The following MAGEL2 variants were observed in gnomAD, a reference collection of about 807,000 sequenced individuals.
MAGEL2 encodes the protein MAGE family member L2.
For missense variants in MAGEL2, 1,830 were observed against 1,699.2 expected (o/e 1.08, Z -1.35); for synonymous variants, 792 against 721.7 (o/e 1.10, Z -1.56).
chr15:23,646,858 T>A lies in MAGEL2; in HGVS notation c.885A>T (p.Arg295Ser). Residue 295 changes from arginine (R) to serine (S), a missense_variant, in exon 1 of 1, where the codon AGA becomes AGT. Coordinates refer to ENST00000650528, the MANE Select transcript of MAGEL2 (RefSeq NM_019066.5). The surrounding 1 kb of genome is among the most constrained non-coding windows in gnomAD (Gnocchi z 4.2). ...AAGCTGGAGGCTGGGTCATCGGAGC[T>A]CTCGCACCTGGAGGATGAATCATCA... Reference protein sequence around the residue: ...GVLMIHPPGARAPMTQPPASG... With the variant: ...GVLMIHPPGASAPMTQPPASG... 1 of 1,536,386 alleles carries A rather than the reference T, an allele frequency of 6.5e-7. No individual in the cohort carries two copies. Among genetic ancestry groups the A allele is most frequent in the Non-Finnish European group, 8.7e-7 (1 of 1,146,718 alleles).
chr15:23,645,767 A>C lies in MAGEL2; in HGVS notation c.1976T>G (p.Val659Gly), dbSNP rs1224915422. 3.2e-6 allele frequency: 5 copies of C among 1,582,502 alleles called. No homozygotes were observed. The highest frequency in any genetic ancestry group is 4.3e-6 in the Non-Finnish European group (5 of 1,165,994). The change falls in exon 1 of 1, where the codon GTG becomes GGG. Residue 659 changes from valine (V) to glycine (G), a missense_variant. Val to Gly is a moderately radical substitution (Grantham distance 109). Coordinates refer to ENST00000650528, the MANE Select transcript of MAGEL2 (RefSeq NM_019066.5). Reference sequence around the variant, plus strand: ...CTGCTGGGGGGGTAGCTGGATTTGCACGGCTTTTTGGGAGGGCGGGGCTCC... The same window carrying C: ...CTGCTGGGGGGGTAGCTGGATTTGCCCGGCTTTTTGGGAGGGCGGGGCTCC... ...FQGAPPSQKA[V>G]QIQLPPQQAQ...
Position 23,646,038 on chromosome 15 carries a change from G to C in MAGEL2, c.1705C>G (p.Pro569Ala). 2 of 1,539,476 alleles carry C rather than the reference G, an allele frequency of 1.3e-6. No homozygotes were observed. The highest frequency in any genetic ancestry group is 1.7e-6 in the Non-Finnish European group (2 of 1,143,138). ...PQVPQPVLPAPLSAPLSAPQA... is the reference protein window; with the variant it reads ...PQVPQPVLPAALSAPLSAPQA... ...GGGGCAGACAGTGGGGCAGACAGCG[G>C]GGCCGGCAGCACAGGCTGGGGCACC... Residue 569 changes from proline (P) to alanine (A), a missense_variant, in exon 1 of 1, where the codon CCG (proline) becomes GCG (alanine). By Grantham distance (27) the Pro-to-Ala change is conservative. Coordinates refer to ENST00000650528, the MANE Select transcript of MAGEL2 (RefSeq NM_019066.5). The surrounding 1 kb of genome is among the most constrained non-coding windows in gnomAD (Gnocchi z 4.2).
At position 23,645,512 on chromosome 15, in the gene MAGEL2, G is replaced by T. The variant is rs762952665; in HGVS notation, c.2231C>A (p.Ala744Asp). 1 of 1,613,930 alleles carries T rather than the reference G, an allele frequency of 6.2e-7. No individual in the cohort carries two copies. The highest frequency in any genetic ancestry group is 8.5e-7 in the Non-Finnish European group (1 of 1,179,888). Residue 744 changes from alanine to aspartate, a missense_variant, in exon 1 of 1, where the codon GCC becomes GAC. Coordinates refer to ENST00000650528, the MANE Select transcript of MAGEL2 (RefSeq NM_019066.5). ...ERRTSSKERR[A>D]PSKDRMIFAA... The stretch of plus-strand genomic sequence containing the variant: ...AAAGATCATGCGGTCTTTTGAAGGG[G>T]CCCTGCGCTCCTTCGAGGAGGTCCT...
In MAGEL2 at chr15:23,646,315, T is replaced by G. The variant is rs1890401815; in HGVS notation, c.1428A>C (p.Pro476=). 1 of 1,363,860 alleles carries G rather than the reference T, an allele frequency of 7.3e-7. No homozygotes were observed. Among genetic ancestry groups the G allele is most frequent in the Non-Finnish European group, 9.3e-7 (1 of 1,070,660 alleles). 84.5% of individuals were successfully genotyped at this position (1,363,860 alleles called of 1,614,324 possible). The change falls in exon 1 of 1, where the codon CCA becomes CCC. Residue 476 remains proline (P), a synonymous_variant. Transcript: ENST00000650528. The surrounding 1 kb of genome is among the most constrained non-coding windows in gnomAD (Gnocchi z 4.2). ...RQAPPVIRQA[P]PVIRQAPPVI... ...CAGGTGGAGCCTGGCGGATCACAGGTGGGGCCTGGCGGATCACAGGTGGGG... is the reference window on the plus strand; with the variant it reads ...CAGGTGGAGCCTGGCGGATCACAGGGGGGGCCTGGCGGATCACAGGTGGGG...
chr15:23,646,250 G>A lies in MAGEL2; in HGVS notation c.1493C>T (p.Pro498Leu). The A allele has an allele frequency of 7.4e-7, 1 of 1,359,786 alleles. No homozygotes were observed. The highest frequency in any genetic ancestry group is 9.4e-7 in the Non-Finnish European group (1 of 1,066,034). The allele number at this position is 1,359,786 out of a possible 1,614,324, so 84.2% of individuals were successfully genotyped here. A position where few individuals can be genotyped will look rare whatever the true frequency, so the allele number is the denominator to read the frequency against. ...GACCTGTGGGGCAGGTCGGATGGGC[G>A]GCGGCGCCTGGCGGATCAGCGGCGG... ...QAPPLIRQAP[P>L]PIRPAPQVLA... Residue 498 changes from proline to leucine, a missense_variant, in exon 1 of 1, where the codon CCG becomes CTG. By Grantham distance (98) the Pro-to-Leu change is moderately conservative. Transcript: ENST00000650528. This position sits in a 1 kb window ranked among gnomAD's most constrained non-coding sequence, Gnocchi z 4.2.
rs1331347877 is a variant in MAGEL2, at chr15:23,644,787, C to T, written c.2956G>A (p.Gly986Arg). The change falls in exon 1 of 1, where the codon GGG becomes AGG. Residue 986 changes from glycine (G) to arginine (R), a missense_variant. Gly to Arg is a moderately radical substitution (Grantham distance 125). Transcript: ENST00000650528. ...GACACAACTACGGGCAGAGAGCTCC[C>T]TGGGCTTTCAGAGAGACCCAGGGCC... ...SRALGLSESP[G>R]SSLPVVVSEV... 3 of 1,613,564 alleles carry T rather than the reference C, an allele frequency of 1.9e-6. No individual in the cohort carries two copies. The highest frequency in any genetic ancestry group is 1.7e-5 in the Admixed American group (1 of 60,022).
chr15:23,644,633 G>A lies in MAGEL2; in HGVS notation c.3110C>T (p.Ala1037Val). Residue 1037 changes from alanine (A) to valine (V), a missense_variant, in exon 1 of 1, where the codon GCC becomes GTC. By Grantham distance (64) the Ala-to-Val change is moderately conservative. Coordinates refer to ENST00000650528, the MANE Select transcript of MAGEL2 (RefSeq NM_019066.5). ...CTCCGAGCGCTGGACAGGCACCTTG[G>A]CTTGGTCCTTGACTAAGAGGAACTG... ...LVQFLLVKDQ[A>V]KVPVQRSEMV... The A allele has an allele frequency of 6.2e-7, 1 of 1,613,860 alleles. No homozygotes were observed. The highest frequency in any genetic ancestry group is 8.5e-7 in the Non-Finnish European group (1 of 1,179,846).
Position 23,644,459 on chromosome 15 carries a change from T to C in MAGEL2, c.3284A>G (p.Tyr1095Cys), listed in dbSNP as rs767913054. Residue 1095 changes from tyrosine (Y) to cysteine (C), a missense_variant, in exon 1 of 1, where the codon TAC (tyrosine) becomes TGC (cysteine). Physicochemically the swap from Tyr to Cys is radical, Grantham distance 194. Transcript: ENST00000650528. The part of the protein sequence containing the change: ...HAYIIINKLG[Y>C]HTGNLVASYL... ...GGATGCCACCAAATTCCCTGTATGG[T>C]AGCCCAGCTTGTTGATGATAATATA... The C allele has an allele frequency of 6.2e-7, 1 of 1,613,944 alleles. No individual in the cohort carries two copies. Among genetic ancestry groups the C allele is most frequent in the South Asian group, 1.1e-5 (1 of 91,076 alleles).
rs546001754 is a variant in MAGEL2, at chr15:23,647,174, G to A, written c.569C>T (p.Ala190Val). 15 of 1,523,276 alleles carry A rather than the reference G, an allele frequency of 9.8e-6. No homozygotes were observed. In the South Asian group the frequency reaches 1.6e-4, roughly 16 times the overall value. The allele number at this position is 1,523,276 out of a possible 1,614,324, so 94.4% of individuals were successfully genotyped here. ...VHPPPPGTPM[A>V]HPPPPGTPMA... The stretch of plus-strand genomic sequence containing the variant: ...CGGTGTCCCCGGAGGGGGAGGATGA[G>A]CCATCGGGGTCCCCGGAGGAGGAGG... The change falls in exon 1 of 1, where the codon GCT (alanine) becomes GTT (valine). Residue 190 changes from alanine to valine, a missense_variant. Ala to Val is a moderately conservative substitution (Grantham distance 64). Transcript: ENST00000650528.
Position 23,645,042 on chromosome 15 carries a change from G to A in MAGEL2, c.2701C>T (p.His901Tyr). The change falls in exon 1 of 1, where the codon CAC (histidine) becomes TAC (tyrosine). Residue 901 changes from histidine (H) to tyrosine (Y), a missense_variant. Transcript: ENST00000650528. ...HLEAQEDSRG[H>Y]TLAFHDWQGP... ...TGCCAGTCATGAAAGGCTAGCGTGT[G>A]GCCACGGCTGTCCTCTTGGGCTTCC... 6.2e-7 allele frequency: 1 copy of A among 1,613,924 alleles called. No individual in the cohort carries two copies. The highest frequency in any genetic ancestry group is 8.5e-7 in the Non-Finnish European group (1 of 1,179,896).
chr15:23,645,904 C>T lies in MAGEL2; in HGVS notation c.1839G>A (p.Gln613=), dbSNP rs1416777534. The T allele has an allele frequency of 6.4e-7, 1 of 1,573,020 alleles. No individual in the cohort carries two copies. The highest frequency in any genetic ancestry group is 1.9e-5 in the Admixed American group (1 of 53,894). ...CCTTCTGGGCCTGCCAGGCCAGCGC[C>T]TGTGTCTGCTGCACCTCCTGGAATT... ...SMEFQEVQQT[Q]ALAWQAQKAP... The change falls in exon 1 of 1, where the codon CAG becomes CAA. Residue 613 remains glutamine, a synonymous_variant. Transcript: ENST00000650528.
In MAGEL2 at chr15:23,646,653, T is replaced by G. The variant is rs1468307410; in HGVS notation, c.1090A>C (p.Thr364Pro). The part of the protein sequence containing the change: ...GPQAPPAQLA[T>P]PPGWQATSPG... ...GAGGTCGCCTGCCAGCCCGGGGGTG[T>G]GGCTAGCTGCGCTGGGGGTGCCTGC... is the stretch of plus-strand genomic sequence containing the variant. The change falls in exon 1 of 1, where the codon ACA becomes CCA. Residue 364 changes from threonine to proline, a missense_variant. Transcript: ENST00000650528. The surrounding 1 kb of genome is among the most constrained non-coding windows in gnomAD (Gnocchi z 4.2). 3 of 1,490,402 alleles carry G rather than the reference T, an allele frequency of 2.0e-6. No individual in the cohort carries two copies. The highest frequency in any genetic ancestry group is 2.7e-6 in the Non-Finnish European group (3 of 1,124,016). The allele number at this position is 1,490,402 out of a possible 1,614,324, so 92.3% of individuals were successfully genotyped here.
chr15:23,645,828 C>G lies in MAGEL2; in HGVS notation c.1915G>C (p.Ala639Pro). ...TGCTCCAGCTGGACCAAGGGGGGAGCCTGCCTCTGGGCCTCCTGGGCAGGC... is the reference window on the plus strand; with the variant it reads ...TGCTCCAGCTGGACCAAGGGGGGAGGCTGCCTCTGGGCCTCCTGGGCAGGC... The part of the protein sequence containing the change: ...PLPAQEAQRQ[A>P]PPLVQLEQPF... Residue 639 changes from alanine (A) to proline (P), a missense_variant, in exon 1 of 1, where the codon GCT becomes CCT. Transcript: ENST00000650528. The G allele has an allele frequency of 6.3e-7, 1 of 1,585,830 alleles. No homozygotes were observed. Among genetic ancestry groups the G allele is most frequent in the Middle Eastern group, 1.7e-4 (1 of 6,024 alleles).
At position 23,647,625 on chromosome 15, in the gene MAGEL2, G is replaced by A; in HGVS notation, c.118C>T (p.Pro40Ser). 6.5e-7 allele frequency: 1 copy of A among 1,536,870 alleles called. No homozygotes were observed. The highest frequency in any genetic ancestry group is 8.7e-7 in the Non-Finnish European group (1 of 1,146,838). The change falls in exon 1 of 1, where the codon CCG becomes TCG. Residue 40 changes from proline to serine, a missense_variant. Pro to Ser is a moderately conservative substitution (Grantham distance 74). Transcript: ENST00000650528. ...GGAGGTGGATCCCAAGGGACTGGCG[G>A]AGCCCGGGAGGAAGCGGGCGGGGCC... ...MRAPPASSRA[P>S]PVPWDPPPID...
rs1890397448 is a variant in MAGEL2 at position 23,646,143 on chromosome 15, G to C, written c.1600C>G (p.Pro534Ala). The C allele has an allele frequency of 7.4e-7, 1 of 1,348,742 alleles. No homozygotes were observed. Among genetic ancestry groups the C allele is most frequent in the African/African-American group, 1.5e-5 (1 of 64,668 alleles). 83.5% of individuals were successfully genotyped at this position (1,348,742 alleles called of 1,614,324 possible). ...ACCTGCGGCGCCGCCTGCACCTGCG[G>C]GGCCGGCAGCCTAGCCTGCGGGGCC... The part of the protein sequence containing the change: ...RQAPQARLPA[P>A]QVQAAPQVPT... The change falls in exon 1 of 1, where the codon CCG becomes GCG. Residue 534 changes from proline to alanine, a missense_variant. Physicochemically the swap from Pro to Ala is conservative, Grantham distance 27. Coordinates refer to ENST00000650528, the MANE Select transcript of MAGEL2 (RefSeq NM_019066.5). This position sits in a 1 kb window ranked among gnomAD's most constrained non-coding sequence, Gnocchi z 4.2.
In MAGEL2 at chr15:23,647,336, C is replaced by T; in HGVS notation, c.407G>A (p.Gly136Glu). ...AGGAGGAGGATGGGCCATGGGAGCT[C>T]CGGGAGCTGAAGGATGCACCATCAG... The part of the protein sequence containing the change: ...GVLMVHPSAP[G>E]APMAHPPPPG... Residue 136 changes from glycine to glutamate, a missense_variant, in exon 1 of 1, where the codon GGA (glycine) becomes GAA (glutamate). Gly to Glu is a moderately conservative substitution (Grantham distance 98). Coordinates refer to ENST00000650528, the MANE Select transcript of MAGEL2 (RefSeq NM_019066.5). The T allele has an allele frequency of 6.5e-7, 1 of 1,536,622 alleles. No individual in the cohort carries two copies. Among genetic ancestry groups the T allele is most frequent in the South Asian group, 1.2e-5 (1 of 84,040 alleles).
Position 23,647,670 on chromosome 15 carries a change from G to A in MAGEL2, c.73C>T (p.Arg25Cys), listed in dbSNP as rs1246411736. 1 of 1,514,630 alleles carries A rather than the reference G, an allele frequency of 6.6e-7. No individual in the cohort carries two copies. Among genetic ancestry groups the A allele is most frequent in the Non-Finnish European group, 8.8e-7 (1 of 1,139,188 alleles). 93.8% of individuals were successfully genotyped at this position (1,514,630 alleles called of 1,614,324 possible). ...GGGGCCCGCATCAGAACCGTAGGGC[G>A]GCTATAGACAGGCGGCTTCGGGGCC... is the stretch of plus-strand genomic sequence containing the variant. Reference protein sequence around the residue: ...AEAPKPPVYSRPTVLMRAPPA... With the variant: ...AEAPKPPVYSCPTVLMRAPPA... Residue 25 changes from arginine (R) to cysteine (C), a missense_variant, in exon 1 of 1, where the codon CGC (arginine) becomes TGC (cysteine). By Grantham distance (180) the Arg-to-Cys change is radical (BLOSUM62 -3). Transcript: ENST00000650528.
rs750031141 is a variant in MAGEL2, at chr15:23,645,527, G to A, written c.2216C>T (p.Ser739Leu). The A allele has an allele frequency of 1.9e-6, 3 of 1,613,786 alleles. No individual in the cohort carries two copies. The highest frequency in any genetic ancestry group is 2.5e-6 in the Non-Finnish European group (3 of 1,179,786). The change falls in exon 1 of 1, where the codon TCG becomes TTG. Residue 739 changes from serine to leucine, a missense_variant. Physicochemically the swap from Ser to Leu is moderately radical, Grantham distance 145. Transcript: ENST00000650528. ...RGSSKERRTS[S>L]KERRAPSKDR... is the part of the protein sequence containing the mutation. The stretch of plus-strand genomic sequence containing the variant: ...TTTTGAAGGGGCCCTGCGCTCCTTC[G>A]AGGAGGTCCTGCGCTCTTTAGAGGA...
In MAGEL2 at chr15:23,646,320, C is replaced by T. The variant is rs760039339; in HGVS notation, c.1423G>A (p.Ala475Thr). The T allele has an allele frequency of 1.5e-6, 2 of 1,374,936 alleles. No homozygotes were observed. Among genetic ancestry groups the T allele is most frequent in the East Asian group, 3.0e-5 (1 of 33,616 alleles). The allele number at this position is 1,374,936 out of a possible 1,614,324, so 85.2% of individuals were successfully genotyped here. The stretch of plus-strand genomic sequence containing the variant: ...GGAGCCTGGCGGATCACAGGTGGGG[C>T]CTGGCGGATCACAGGTGGGGCCTGG... ...IRQAPPVIRQ[A>T]PPVIRQAPPV... is the part of the protein sequence containing the mutation. Residue 475 changes from alanine to threonine, a missense_variant, in exon 1 of 1, where the codon GCC (alanine) becomes ACC (threonine). Transcript: ENST00000650528. The surrounding 1 kb of genome is among the most constrained non-coding windows in gnomAD (Gnocchi z 4.2).
Sources: allele counts gnomAD v4.1 joint callset, GRCh38; gene constraint gnomAD v4.1.1; non-coding constraint Gnocchi (gnomAD v3.1); transcripts MANE v1.5; gene names NCBI Gene and HGNC (gene_info 2026-07-23, HGNC 2026-07-21).